The following NPTN variants were observed in gnomAD, a reference collection of about 807,000 sequenced individuals.
NPTN encodes SDR-1.
In NPTN, 5 loss-of-function variants were observed where a neutral mutation model predicts 42.7. That is an observed-to-expected ratio of 0.12 (90% CI 0.06 to 0.25). NPTN has a LOEUF of 0.25. NPTN is among the 10% of genes least tolerant of loss of function. NPTN has a pLI of 1.00. For missense variants in NPTN, 307 were observed against 525.4 expected (o/e 0.58, Z 4.06); for synonymous variants, 180 against 201.9 (o/e 0.89, Z 0.92).
At chr15:73,588,485 A>T (rs1377616478) in intron 3 of NPTN, among the ~76,000 whole-genome samples, 2 of 152,188 alleles carry the variant, frequency 1.3e-5, no homozygotes, top group African/African-American at 2.4e-5. Flanking sequence ...TGCAGCAAAA[A>T]GTCTGGTGAT....
At chr15:73,625,590 CA>C (rs1020442979) in intron 1 of NPTN, among the ~76,000 whole-genome samples, 2 of 152,126 alleles carry the variant, frequency 1.3e-5, no homozygotes, top group Non-Finnish European at 2.9e-5. Context: ...CGCAGCCTCC[CA>C]AAGTGCTGGG....
chr15:73,588,203 G>A (rs1896414264), intron 3 of NPTN, among the ~76,000 whole-genome samples: 1 of 152,154 alleles, frequency 6.6e-6, no homozygotes, highest in Non-Finnish European at 1.5e-5. Flanking sequence ...TCATGCCAAC[G>A]CACTCCAGCA....
At chr15:73,573,859 A>T (rs1272245939) in intron 4 of NPTN, 64 bp from the exon 5 acceptor site, 2 of 1,578,472 alleles carry the variant, frequency 1.3e-6, no homozygotes, top group African/African-American at 2.7e-5. Flanking sequence ...CAAAGGCCCC[A>T]CCTTCTGGCT....
chr15:73,567,482 A>G, intron 6 of NPTN: 5 of 985,410 alleles, frequency 5.1e-6, no homozygotes, highest in Non-Finnish European at 6.0e-6. Context: ...GTATATATCT[A>G]TATGAAAATT....
At chr15:73,617,499 T>G (rs1216788014) in intron 1 of NPTN, among the ~76,000 whole-genome samples, 2 of 152,202 alleles carry the variant, frequency 1.3e-5, no homozygotes, top group African/African-American at 4.8e-5. Flanking sequence ...CTTTGGAAAT[T>G]TGACCTGATG....
intron 5 of NPTN, among the ~76,000 whole-genome samples, chr15:73,573,054 GT>G (rs1471053518): frequency 1.3e-5 from 2 of 152,102 alleles, no homozygotes; most frequent in Non-Finnish European, 2.9e-5. Flanking sequence ...ATGATTCTAA[GT>G]TTCTCTACTT....
intron 4 of NPTN, among the ~76,000 whole-genome samples, chr15:73,580,552 A>G: frequency 7.0e-6 from 1 of 142,348 alleles, no homozygotes; most frequent in South Asian, 2.1e-4. Flanking sequence ...TTATATATGT[A>G]TATATGTATA....
intron 1 of NPTN, among the ~76,000 whole-genome samples, chr15:73,602,475 T>C (rs1480350361): frequency 1.3e-5 from 2 of 152,148 alleles, no homozygotes; most frequent in African/African-American, 2.4e-5. Context: ...CCCACTGACA[T>C]CTAAACGTGA....
intron 5 of NPTN, among the ~76,000 whole-genome samples, chr15:73,572,358 A>G (rs1355963763): frequency 6.6e-6 from 1 of 152,204 alleles, no homozygotes; most frequent in Admixed American, 6.5e-5. Flanking sequence ...TCTGACAGAA[A>G]AGGTAATGGG....
rs796430575 is a variant in NPTN, at chr15:73,633,346, C to T, written c.-131G>A. On this transcript the variant is annotated 5_prime_UTR_variant, in exon 1 of 9. Transcript: ENST00000345330. ...GAGGGAGGCAGCCGCGGCTCGGCTC[C>T]GTCCTTCCCCGTCCTCCTCCTGCCG... is the stretch of plus-strand genomic sequence containing the variant. The T allele has an allele frequency of 8.9e-5, 51 of 575,870 alleles. No homozygotes were observed. Among genetic ancestry groups the T allele is most frequent in the African/African-American group, 8.0e-4 (41 of 51,256 alleles). 35.7% of individuals were successfully genotyped at this position (575,870 alleles called of 1,614,324 possible).
chr15:73,622,954 G>GT (rs2141473112), intron 1 of NPTN, among the ~76,000 whole-genome samples: 1 of 152,280 alleles, frequency 6.6e-6, no homozygotes, highest in South Asian at 2.1e-4. Flanking sequence ...CTCTACCAAG[G>GT]TATTACAGCA....
At chr15:73,585,773 G>A (rs1896288380) in intron 4 of NPTN, among the ~76,000 whole-genome samples, 1 of 152,206 alleles carries the variant, frequency 6.6e-6, no homozygotes, top group South Asian at 2.1e-4. Context: ...ACTACCACCT[G>A]CCTCACCTTC....
intron 6 of NPTN, chr15:73,568,069 C>T: frequency 1.0e-6 from 1 of 985,528 alleles, no homozygotes; most frequent in Non-Finnish European, 1.2e-6. Flanking sequence ...CTATAACAAA[C>T]TGGTCCCCCA....
At chr15:73,585,153 T>C (rs1896253971) in intron 4 of NPTN, among the ~76,000 whole-genome samples, 1 of 152,168 alleles carries the variant, frequency 6.6e-6, no homozygotes, top group African/African-American at 2.4e-5. Context: ...TATATATGCA[T>C]GGTCTGAATT....
intron 6 of NPTN, chr15:73,565,677 G>A (rs1054095976): frequency 4.4e-6 from 2 of 452,216 alleles, no homozygotes; most frequent in African/African-American, 2.0e-5. Context: ...CTCCACCTCA[G>A]TATTACAGCC....
At chr15:73,616,607 A>G (rs757561620) in intron 1 of NPTN, among the ~76,000 whole-genome samples, 1 of 152,106 alleles carries the variant, frequency 6.6e-6, no homozygotes, top group Non-Finnish European at 1.5e-5. Context: ...GTCCAAATCT[A>G]TTCTATTCTC....
At chr15:73,621,137 A>G (rs941702571) in intron 1 of NPTN, among the ~76,000 whole-genome samples, 1 of 152,080 alleles carries the variant, frequency 6.6e-6, no homozygotes, top group African/African-American at 2.4e-5. Flanking sequence ...TATCTCGGGG[A>G]GGAGAGAATG....
intron 4 of NPTN, among the ~76,000 whole-genome samples, chr15:73,576,420 C>T (rs1895699113): frequency 6.6e-6 from 1 of 152,190 alleles, no homozygotes; most frequent in Non-Finnish European, 1.5e-5. Context: ...CCTCCACCTT[C>T]CGGGTTCAAG....
chr15:73,578,376 TG>T (rs1290108903), intron 4 of NPTN, among the ~76,000 whole-genome samples: 1 of 151,962 alleles, frequency 6.6e-6, no homozygotes, highest in Non-Finnish European at 1.5e-5. Flanking sequence ...CTGGTTTCCA[TG>T]GGGGCAGTAA....
Sources: allele counts gnomAD v4.1 joint callset (sites outside exome capture counted in the v4.1 genomes callset), GRCh38; gene constraint gnomAD v4.1.1; transcripts MANE v1.5; gene names NCBI Gene and HGNC (gene_info 2026-07-23, HGNC 2026-07-21).